DOP1B: variants seen among roughly 807,000 people sequenced by gnomAD.
The protein encoded by DOP1B is protein DOP1B.
A neutral mutation model predicts 233.5 loss-of-function variants in DOP1B; 174 were observed. That is an observed-to-expected ratio of 0.75 (90% CI 0.66 to 0.85). The LOEUF is 0.85. DOP1B is among the 40% of genes least tolerant of loss of function. DOP1B has a pLI of 0.00. For missense variants in DOP1B, 2,652 were observed against 2,846.6 expected, an observed-to-expected ratio of 0.93 and a Z score of 1.56; for synonymous variants, 1,190 against 1,185.6, an observed-to-expected ratio of 1.00 and a Z score of -0.08.
intron 2 of DOP1B, among the ~76,000 whole-genome samples, chr21:36,182,124 T>A (rs1185682128): frequency 6.6e-6 from 1 of 152,120 alleles, no homozygotes; most frequent in Non-Finnish European, 1.5e-5. Flanking sequence ...GAAGCAAATA[T>A]GTTGGAGGAT....
At chr21:36,197,154 G>A (rs1326082879) in intron 2 of DOP1B, among the ~76,000 whole-genome samples, 1 of 152,000 alleles carries the variant, frequency 6.6e-6, no homozygotes, top group Admixed American at 6.6e-5. Context: ...GGTTGGTCTT[G>A]AACTCCTGAC....
intron 2 of DOP1B, among the ~76,000 whole-genome samples, chr21:36,197,647 G>C (rs1159633217): frequency 6.6e-6 from 1 of 152,218 alleles, no homozygotes; most frequent in Non-Finnish European, 1.5e-5. Context: ...TTAGCAAGGT[G>C]GCCGGAAGGG....
Position 36,278,275 on chromosome 21 carries a change from C to T in DOP1B, c.5889C>T (p.Tyr1963=). ...TGAGCTCCCTGAGTGGCTATGCCTA[C>T]ACAAAGCGAGCCTGGAGGAAGGAGG... ...QLLSSLSGYA[Y]TKRAWRKEVL... is the part of the protein sequence containing the mutation. Residue 1963 remains tyrosine, a synonymous_variant, in exon 30 of 37, where the codon TAC becomes TAT. Transcript: ENST00000691173. 6.2e-7 allele frequency: 1 copy of T among 1,614,168 alleles called. No individual in the cohort carries two copies. Among genetic ancestry groups the T allele is most frequent in the South Asian group, 1.1e-5 (1 of 91,090 alleles).
intron 2 of DOP1B, among the ~76,000 whole-genome samples, chr21:36,177,299 A>G (rs1308548213): frequency 1.3e-5 from 2 of 152,202 alleles, no homozygotes; most frequent in African/African-American, 2.4e-5. Context: ...AGGGCCACTC[A>G]CACTGTAAGA....
In DOP1B at chr21:36,289,091, A is replaced by G; in HGVS notation, c.6400A>G (p.Asn2134Asp). Residue 2134 changes from asparagine (N) to aspartate (D), a missense_variant, in exon 35 of 37, where the codon AAT becomes GAT. Around this residue, in one of 3 missense-constraint regions of DOP1B, gnomAD observed 2,617 missense variants for 2,794.3 expected, o/e 0.94. Transcript: ENST00000691173. ...AACGAAAGTTTCAGTCCCGGATGCAAATGGACCCTCAGTGGGGGAGATACC... is the reference window on the plus strand; with the variant it reads ...AACGAAAGTTTCAGTCCCGGATGCAGATGGACCCTCAGTGGGGGAGATACC... ...NRTKVSVPDA[N>D]GPSVGEIPQS... 1 of 1,613,734 alleles carries G rather than the reference A, an allele frequency of 6.2e-7. No individual in the cohort carries two copies. Among genetic ancestry groups the G allele is most frequent in the Non-Finnish European group, 8.5e-7 (1 of 1,179,932 alleles).
rs778046299 is a variant in DOP1B at position 36,270,173 on chromosome 21, T to C, written c.5632+16T>C. The stretch of plus-strand genomic sequence containing the variant: ...GACCTGTATGGTAGGTGGAGATGGG[T>C]TGGCTGATAGTGCCTCTGGTCAGCG... On this transcript the variant is annotated intron_variant, in intron 27 of 36. Coordinates refer to ENST00000691173, the MANE Select transcript of DOP1B (RefSeq NM_001320714.2). The C allele has an allele frequency of 6.2e-7, 1 of 1,612,218 alleles. No individual in the cohort carries two copies. Among genetic ancestry groups the C allele is most frequent in the South Asian group, 1.1e-5 (1 of 90,862 alleles).
intron 2 of DOP1B, among the ~76,000 whole-genome samples, chr21:36,174,789 C>CG (rs1377216187): frequency 6.6e-6 from 1 of 152,194 alleles, no homozygotes; most frequent in Non-Finnish European, 1.5e-5. Flanking sequence ...CGTGAGCCAC[C>CG]GTGCCTGGCC....
intron 35 of DOP1B, 23 bp from the exon 36 acceptor site, chr21:36,292,081 G>T: frequency 6.3e-7 from 1 of 1,579,554 alleles, no homozygotes; most frequent in East Asian, 2.3e-5. Flanking sequence ...CAGCAGACCT[G>T]ACCTTCTGTT....
chr21:36,205,246 A>G (rs747631739), intron 4 of DOP1B, among the ~76,000 whole-genome samples: 1 of 152,142 alleles, frequency 6.6e-6, no homozygotes, highest in Non-Finnish European at 1.5e-5. Flanking sequence ...TCAGTTGTGG[A>G]GTGGAGCATG....
intron 32 of DOP1B, 65 bp downstream of exon 32, chr21:36,281,676 T>A: frequency 7.3e-7 from 1 of 1,368,110 alleles, no homozygotes; most frequent in South Asian, 1.6e-5. Context: ...GGGGAATTTA[T>A]AAAAACAGAA....
At chr21:36,269,667 GTGCCAT>G (rs1273086521) in intron 26 of DOP1B, among the ~76,000 whole-genome samples, 1 of 151,870 alleles carries the variant, frequency 6.6e-6, no homozygotes, top group African/African-American at 2.4e-5. Context: ...CTACAGGCAT[GTGCCAT>G]CATGCCCAGC....
Position 36,248,440 on chromosome 21 carries a change from C to T in DOP1B, c.4870C>T (p.Leu1624=), listed in dbSNP as rs748478581. 6.2e-7 allele frequency: 1 copy of T among 1,613,924 alleles called. No homozygotes were observed. The highest frequency in any genetic ancestry group is 1.1e-5 in the South Asian group (1 of 91,044). Residue 1624 remains leucine, a synonymous_variant, in exon 21 of 37, where the codon CTG becomes TTG. Transcript: ENST00000691173. The part of the protein sequence containing the change: ...RNARNAILEE[L]PRTVNTMALL... The stretch of plus-strand genomic sequence containing the variant: ...TGCCAGAAATGCCATTTTGGAAGAG[C>T]TGCCTCGAACTGTTAACACCATGGC...
chr21:36,176,178 G>T (rs755122823), intron 2 of DOP1B, among the ~76,000 whole-genome samples: 2 of 151,150 alleles, frequency 1.3e-5, no homozygotes, highest in Non-Finnish European at 1.5e-5. Flanking sequence ...CAGGTGATTT[G>T]TGCCCCCTCC....
At chr21:36,174,892 G>T (rs554349222) in intron 2 of DOP1B, among the ~76,000 whole-genome samples, 1 of 152,304 alleles carries the variant, frequency 6.6e-6, no homozygotes, top group African/African-American at 2.4e-5. Flanking sequence ...TGGAGTCTGT[G>T]TTAGTCTGCT....
At chr21:36,227,442 G>A (rs2066704454) in intron 12 of DOP1B, among the ~76,000 whole-genome samples, 1 of 151,306 alleles carries the variant, frequency 6.6e-6, no homozygotes, top group Non-Finnish European at 1.5e-5. Context: ...AGCTGCTCGG[G>A]AGGCTGAGGC....
At chr21:36,278,752 C>A (rs2067382720) in intron 30 of DOP1B, among the ~76,000 whole-genome samples, 2 of 152,048 alleles carry the variant, frequency 1.3e-5, no homozygotes, top group African/African-American at 4.8e-5. Context: ...ACCTGTAGTT[C>A]CAGCTACTCG....
chr21:36,174,545 T>C (rs1241176593), intron 2 of DOP1B, among the ~76,000 whole-genome samples: 1 of 152,200 alleles, frequency 6.6e-6, no homozygotes, highest in African/African-American at 2.4e-5. Context: ...TCTTCTTTTT[T>C]TGAGGCTGGA....
In DOP1B at chr21:36,289,207, G is replaced by A; in HGVS notation, c.6515+1G>A. The A allele has an allele frequency of 6.2e-7, 1 of 1,613,040 alleles. No homozygotes were observed. Among genetic ancestry groups the A allele is most frequent in the Non-Finnish European group, 8.5e-7 (1 of 1,179,794 alleles). On this transcript the variant is annotated splice_donor_variant, in intron 35 of 36. Transcript: ENST00000691173. LOFTEE classifies it high-confidence loss of function. ...CTGACAAGATGCCATTATTTCAAATGTAAGTCAGATAGGATCGTGTGTCCT... is the reference window on the plus strand; with the variant it reads ...CTGACAAGATGCCATTATTTCAAATATAAGTCAGATAGGATCGTGTGTCCT...
rs762890737 is a variant in DOP1B, at chr21:36,231,089, G to A, written c.2305G>A (p.Glu769Lys). ...TGCCACTTTCCCTGTCTACCTGTCC[G>A]AGGAAGAGACCGAGCAGCTCTGTGC... ...DCATFPVYLSEEETEQLCATL... is the reference protein window; with the variant it reads ...DCATFPVYLSKEETEQLCATL... The change falls in exon 14 of 37, where the codon GAG becomes AAG. Residue 769 changes from glutamate (E) to lysine (K), a missense_variant. Glu to Lys is a moderately conservative substitution (Grantham distance 56). Coordinates refer to ENST00000691173, the MANE Select transcript of DOP1B (RefSeq NM_001320714.2). 10 of 1,611,900 alleles carry A rather than the reference G, an allele frequency of 6.2e-6. No individual in the cohort carries two copies. In the East Asian group the frequency reaches 8.9e-5, roughly 14 times the overall value.
Sources: gnomAD v4.1 joint callset for allele counts (sites outside exome capture counted in the v4.1 genomes callset) on GRCh38, gnomAD v4.1.1 for gene constraint, gnomAD v4.1.1 regional missense constraint, MANE v1.5 for transcripts, NCBI Gene and HGNC (gene_info 2026-07-23, HGNC 2026-07-21) for gene names.